Variants in SLCO1A2 observed in about 807,000 individuals in gnomAD.
SLCO1A2 encodes the protein solute carrier organic anion transporter family member 1A2.
A neutral mutation model predicts 69.0 loss-of-function variants in SLCO1A2; 67 were observed. The observed-to-expected ratio is 0.97, with a 90% confidence interval of 0.80 to 1.19. The LOEUF is 1.19. SLCO1A2 is among the 50% of genes most tolerant of loss of function. SLCO1A2 has a pLI of 0.00. For missense variants in SLCO1A2, 787 were observed against 793.7 expected (o/e 0.99, Z 0.10); for synonymous variants, 260 against 265.9 (o/e 0.98, Z 0.22).
chr12:21,318,569 G>A (rs935243767), intron 3 of SLCO1A2, among the ~76,000 whole-genome samples: 2 of 152,122 alleles, frequency 1.3e-5, no homozygotes, highest in African/African-American at 2.4e-5. Flanking sequence ...ACAATGGTAG[G>A]ATATGTGGCA....
chr12:21,294,176 A>T lies in SLCO1A2; in HGVS notation c.1272-66T>A, dbSNP rs1021502817. 5 of 1,244,284 alleles carry T rather than the reference A, an allele frequency of 4.0e-6. No homozygotes were observed. In the African/African-American group the frequency reaches 6.2e-5, roughly 15 times the overall value. The allele number at this position is 1,244,284 out of a possible 1,614,324, so 77.1% of individuals were successfully genotyped here. On this transcript the variant is annotated intron_variant, in intron 10 of 14. Coordinates refer to ENST00000683939, the MANE Select transcript of SLCO1A2 (RefSeq NM_001386879.1). The stretch of plus-strand genomic sequence containing the variant: ...ATTCAATCCTTTTTTTCTTCTTTTC[A>T]TCTCAATCCCCAGTTAGATTTCCTC...
At position 21,296,228 on chromosome 12, in the gene SLCO1A2, C is replaced by T. The variant is rs373848022; in HGVS notation, c.1076-436G>A. On this transcript the variant is annotated intron_variant, in intron 9 of 14. Transcript: ENST00000683939. ...ACTTTGGTTGTGAAGAATTAGACTC[C>T]TCTCAAAGTGCTTTTTCTTTTCTTT... is the stretch of plus-strand genomic sequence containing the variant. Among the ~76,000 whole-genome samples, 9 of 152,192 alleles carry T rather than the reference C, an allele frequency of 5.9e-5. No individual in the cohort carries two copies. In the East Asian group the frequency reaches 7.7e-4, roughly 13 times the overall value.
At chr12:21,412,950 A>C (rs1016657740) in intron 1 of SLCO1A2, among the ~76,000 whole-genome samples, 3 of 152,156 alleles carry the variant, frequency 2.0e-5, no homozygotes, top group Non-Finnish European at 4.4e-5. Flanking sequence ...CCTCTCCCCA[A>C]ATCTGGTACC....
intron 14 of SLCO1A2, among the ~76,000 whole-genome samples, chr12:21,273,344 CCTTGAAAATA>C (rs940939519): frequency 6.6e-6 from 1 of 152,042 alleles, no homozygotes; most frequent in African/African-American, 2.4e-5. Context: ...GTTCCAACAT[CCTTGAAAATA>C]TAGTCCAGAA....
chr12:21,275,053 C>G, intron 13 of SLCO1A2: 1 of 1,020,140 alleles, frequency 9.8e-7, no homozygotes, highest in Non-Finnish European at 1.2e-6. Flanking sequence ...ATTTGCTAGA[C>G]TGCTTTTCTG....
At chr12:21,349,328 T>G (rs1257788573) in intron 2 of SLCO1A2, among the ~76,000 whole-genome samples, 1 of 152,180 alleles carries the variant, frequency 6.6e-6, no homozygotes, top group Non-Finnish European at 1.5e-5. Context: ...TGGGTTTCTA[T>G]TCTGCTGAGA....
At chr12:21,290,901 A>G (rs1277648463) in intron 12 of SLCO1A2, among the ~76,000 whole-genome samples, 1 of 152,176 alleles carries the variant, frequency 6.6e-6, no homozygotes, top group Non-Finnish European at 1.5e-5. Flanking sequence ...AGATAATTGT[A>G]TCATATAAAC....
intron 4 of SLCO1A2, 122 bp downstream of exon 4, chr12:21,314,427 C>A: frequency 9.9e-7 from 1 of 1,011,962 alleles, no homozygotes; most frequent in Non-Finnish European, 1.5e-6. Context: ...GAATGTGCAT[C>A]TTCCCCTTCC....
intron 6 of SLCO1A2, 152 bp from the exon 7 acceptor site, chr12:21,301,421 T>C (rs993163291): frequency 2.2e-6 from 1 of 457,680 alleles, no homozygotes; most frequent in Admixed American, 4.1e-5. Context: ...GATGTACATA[T>C]AAATGATGGT....
At chr12:21,413,965 TTTTGTTTG>T (rs934615428) in intron 1 of SLCO1A2, among the ~76,000 whole-genome samples, 1 of 152,128 alleles carries the variant, frequency 6.6e-6, no homozygotes, top group Admixed American at 6.5e-5. Flanking sequence ...TTAGCAAGCT[TTTTGTTTG>T]TTTGTTTGTT....
rs1373891102 is a variant in SLCO1A2, at chr12:21,265,632, C to G, written c.*3916G>C. The G allele has an allele frequency of 2.6e-5, 4 of 152,264 alleles. No homozygotes were observed. Among genetic ancestry groups the G allele is most frequent in the Admixed American group, 2.0e-4 (3 of 15,274 alleles). The allele number at this position is 152,264 out of a possible 1,614,324, so 9.4% of individuals were successfully genotyped here. On this transcript the variant is annotated 3_prime_UTR_variant, in exon 15 of 15. Coordinates refer to ENST00000683939, the MANE Select transcript of SLCO1A2 (RefSeq NM_001386879.1). The stretch of plus-strand genomic sequence containing the variant: ...GGCACAGGACCCAGTTACTCATCCT[C>G]TTTTATGCCTCTTGGGATTCTACAG...
rs961278249 is a variant in SLCO1A2 at position 21,274,768 on chromosome 12, A to T, written c.1676-182T>A. On this transcript the variant is annotated intron_variant, in intron 13 of 14. Transcript: ENST00000683939. ...TGTAAAGTTTCTAAATTATTAAAAG[A>T]TAAGTAATCTTATGGTCAAATGCAA... 6 of 691,206 alleles carry T rather than the reference A, an allele frequency of 8.7e-6. No individual in the cohort carries two copies. In the East Asian group the frequency reaches 1.8e-4, roughly 21 times the overall value. The allele number at this position is 691,206 out of a possible 1,614,324, so 42.8% of individuals were successfully genotyped here. A position where few individuals can be genotyped will look rare whatever the true frequency, so the allele number is the denominator to read the frequency against.
intron 1 of SLCO1A2, among the ~76,000 whole-genome samples, chr12:21,413,580 A>T (rs1941946581): frequency 6.6e-6 from 1 of 151,858 alleles, no homozygotes; most frequent in Non-Finnish European, 1.5e-5. Context: ...CCTGCATAGC[A>T]CTCCAGTTAC....
chr12:21,341,282 A>G (rs1332483258), intron 2 of SLCO1A2, among the ~76,000 whole-genome samples: 1 of 152,000 alleles, frequency 6.6e-6, no homozygotes, highest in Non-Finnish European at 1.5e-5. Flanking sequence ...CAGAATTTTA[A>G]AAGTGGTTAT....
At chr12:21,303,502 A>G (rs1336249386) in intron 6 of SLCO1A2, among the ~76,000 whole-genome samples, 1 of 152,204 alleles carries the variant, frequency 6.6e-6, no homozygotes, top group Non-Finnish European at 1.5e-5. Flanking sequence ...AATCATTTCC[A>G]TCTTCTCTCA....
intron 12 of SLCO1A2, among the ~76,000 whole-genome samples, chr12:21,276,300 C>A (rs529563943): frequency 6.6e-6 from 1 of 151,608 alleles, no homozygotes; most frequent in African/African-American, 2.4e-5. Flanking sequence ...CCAGCAATAA[C>A]CAACTAGAAA....
chr12:21,269,697 G>A lies in SLCO1A2; in HGVS notation c.1864C>T (p.Leu622Phe). Residue 622 changes from leucine to phenylalanine, a missense_variant, in exon 15 of 15, where the codon CTT (leucine) becomes TTT (phenylalanine). Transcript: ENST00000683939. ...CCAGGTAGATGACACTTCCTCAAAA[G>A]AATTAAGATGATTAAGGCTGGAACA... The part of the protein sequence containing the change: ...SFVPALIILI[L>F]LRKCHLPGEN... 2 of 1,612,594 alleles carry A rather than the reference G, an allele frequency of 1.2e-6. No individual in the cohort carries two copies. The highest frequency in any genetic ancestry group is 4.5e-5 in the East Asian group (2 of 44,796).
intron 12 of SLCO1A2, among the ~76,000 whole-genome samples, chr12:21,277,530 G>A (rs1944096997): frequency 1.3e-5 from 2 of 151,942 alleles, no homozygotes; most frequent in African/African-American, 4.8e-5. Flanking sequence ...GGAAGCAAAG[G>A]GAATTCTGTC....
intron 1 of SLCO1A2, among the ~76,000 whole-genome samples, chr12:21,407,312 G>A (rs1455813566): frequency 2.0e-5 from 3 of 152,202 alleles, no homozygotes; most frequent in Admixed American, 2.0e-4. Flanking sequence ...TGATAAGAAG[G>A]TTGGTGTAGT....
Sources: allele counts gnomAD v4.1 joint callset (sites outside exome capture counted in the v4.1 genomes callset), GRCh38; gene constraint gnomAD v4.1.1; transcripts MANE v1.5; gene names NCBI Gene and HGNC (gene_info 2026-07-23, HGNC 2026-07-21).